The following ASAH2 variants were observed in gnomAD, a reference collection of about 807,000 sequenced individuals.
The protein encoded by ASAH2 is neutral ceramidase.
ASAH2 carries 58 observed loss-of-function variants against 82.9 expected under a neutral mutation model. The observed-to-expected ratio is 0.70, with a 90% confidence interval of 0.57 to 0.87. The LOEUF (loss-of-function observed/expected upper bound fraction) is 0.87. Ranked by LOEUF, ASAH2 falls within the 40% of genes least tolerant of loss-of-function variation. The pLI is 0.00. For synonymous variants in ASAH2, 276 were observed against 289.7 expected (o/e 0.95, Z 0.48); for missense variants, 779 against 834.0 (o/e 0.93, Z 0.81).
chr10:50,238,105 T>TA (rs1184687903), intron 4 of ASAH2, among the ~76,000 whole-genome samples: 1 of 152,166 alleles, frequency 6.6e-6, no homozygotes, highest in Non-Finnish European at 1.5e-5. Flanking sequence ...TTCTGTGATG[T>TA]AAAAACTCCT....
intron 3 of ASAH2, among the ~76,000 whole-genome samples, 185 bp from the exon 4 acceptor site, chr10:50,243,536 A>T (rs1477891445): frequency 6.6e-6 from 1 of 152,244 alleles, no homozygotes; most frequent in Admixed American, 6.5e-5. Flanking sequence ...AAAGCCAAAA[A>T]ATATCATAAA....
At chr10:50,206,225 G>T in intron 12 of ASAH2, 128 bp from the exon 13 acceptor site, 2 of 767,970 alleles carry the variant, frequency 2.6e-6, no homozygotes, top group Non-Finnish European at 4.6e-6. Context: ...GTTGTTCAAT[G>T]ATTCCAAACA....
intron 7 of ASAH2, among the ~76,000 whole-genome samples, chr10:50,223,073 G>A (rs1477016242): frequency 3.3e-5 from 5 of 152,066 alleles, no homozygotes; most frequent in African/African-American, 1.2e-4. Context: ...CAAGAGATTG[G>A]GGACCTTATC....
At chr10:50,206,698 T>G (rs576328209) in intron 12 of ASAH2, among the ~76,000 whole-genome samples, 1 of 151,952 alleles carries the variant, frequency 6.6e-6, no homozygotes, top group African/African-American at 2.4e-5. Flanking sequence ...ATTATAAATG[T>G]CTGTGTAACA....
At chr10:50,200,867 C>T (rs1389943674) in intron 16 of ASAH2, among the ~76,000 whole-genome samples, 1 of 152,104 alleles carries the variant, frequency 6.6e-6, no homozygotes, top group African/African-American at 2.4e-5. Flanking sequence ...AGGCCCCACC[C>T]TTAAGCCTGG....
In ASAH2 at chr10:50,202,674, C is replaced by T. The variant is rs1017420589; in HGVS notation, c.1761+155G>A. Among the ~76,000 whole-genome samples, 13 of 152,058 alleles carry T rather than the reference C, an allele frequency of 8.5e-5. No homozygotes were observed. In the South Asian group the frequency reaches 1.5e-3, roughly 17 times the overall value. ...ATGATGTATTTGAAACTCTTAAATA[C>T]GGCCTCTGGCTTATCATCCTCTTAC... On this transcript the variant is annotated intron_variant, in intron 16 of 20. Coordinates refer to ENST00000682911, the MANE Select transcript of ASAH2 (RefSeq NM_019893.4).
chr10:50,245,068 A>G (rs1846410907), intron 3 of ASAH2, among the ~76,000 whole-genome samples, 154 bp downstream of exon 3: 1 of 152,222 alleles, frequency 6.6e-6, no homozygotes, highest in African/African-American at 2.4e-5. Context: ...TCTTCCTTCT[A>G]GTATGAAATT....
intron 7 of ASAH2, among the ~76,000 whole-genome samples, chr10:50,219,159 C>T (rs1035201747): frequency 6.6e-6 from 1 of 152,154 alleles, no homozygotes; most frequent in African/African-American, 2.4e-5. Context: ...ACAATTAATT[C>T]TTGTGGGCAT....
chr10:50,190,806 C>A, intron 19 of ASAH2, among the ~76,000 whole-genome samples: 1 of 104,482 alleles, frequency 9.6e-6, no homozygotes. Context: ...ATTGGGTAGT[C>A]GTAAGGATGG....
At chr10:50,228,656 T>C (rs1176239989) in intron 7 of ASAH2, among the ~76,000 whole-genome samples, 2 of 152,098 alleles carry the variant, frequency 1.3e-5, no homozygotes, top group Non-Finnish European at 2.9e-5. Context: ...GCCCCTGTCA[T>C]CTTAAAAATA....
At chr10:50,223,818 C>G (rs1299208505) in intron 7 of ASAH2, among the ~76,000 whole-genome samples, 2 of 152,134 alleles carry the variant, frequency 1.3e-5, no homozygotes, top group Non-Finnish European at 2.9e-5. Context: ...ACATAGAGAA[C>G]AAGGTGATAT....
chr10:50,247,704 CT>C (rs1310309747), intron 2 of ASAH2, among the ~76,000 whole-genome samples: 2 of 152,162 alleles, frequency 1.3e-5, no homozygotes, highest in African/African-American at 4.8e-5. Flanking sequence ...GAGCTTCAAT[CT>C]TTACCAGTCT....
intron 16 of ASAH2, among the ~76,000 whole-genome samples, chr10:50,201,389 A>G (rs889102241): frequency 3.3e-5 from 5 of 152,134 alleles, no homozygotes; most frequent in African/African-American, 7.2e-5. Flanking sequence ...CTTCTGGAGT[A>G]GCAGGCACCC....
At chr10:50,216,732 C>G (rs1343789585) in intron 8 of ASAH2, among the ~76,000 whole-genome samples, 2 of 152,192 alleles carry the variant, frequency 1.3e-5, no homozygotes, top group African/African-American at 2.4e-5. Flanking sequence ...CCCAACCACT[C>G]TACCATTCTA....
At chr10:50,202,160 C>T (rs1481475655) in intron 16 of ASAH2, among the ~76,000 whole-genome samples, 2 of 152,080 alleles carry the variant, frequency 1.3e-5, no homozygotes, top group African/African-American at 4.8e-5. Flanking sequence ...CTCTTAGTAT[C>T]ACTGAATATT....
At chr10:50,233,592 T>C (rs1846069833) in intron 6 of ASAH2, among the ~76,000 whole-genome samples, 1 of 152,164 alleles carries the variant, frequency 6.6e-6, no homozygotes, top group Non-Finnish European at 1.5e-5. Flanking sequence ...CAATTTTTAA[T>C]GAAATCTCTT....
Position 50,233,141 on chromosome 10 carries a change from A to C in ASAH2, c.893+43T>G, listed in dbSNP as rs1223033984. 11 of 1,383,810 alleles carry C rather than the reference A, an allele frequency of 7.9e-6. No homozygotes were observed. The East Asian group carries it at 1.8e-4, about 23-fold the overall frequency. 85.7% of individuals were successfully genotyped at this position (1,383,810 alleles called of 1,614,324 possible). A position where few individuals can be genotyped will look rare whatever the true frequency, so the allele number is the denominator to read the frequency against. ...TCTTTTCCCTTCTCTTTAATTAAGA[A>C]AAGCTACCCGACAGAATTATTTTTA... On this transcript the variant is annotated intron_variant, in intron 7 of 20. Coordinates refer to ENST00000682911, the MANE Select transcript of ASAH2 (RefSeq NM_019893.4).
At chr10:50,234,375 C>T (rs1402784235) in intron 6 of ASAH2, 50 bp downstream of exon 6, 3 of 1,611,632 alleles carry the variant, frequency 1.9e-6, no homozygotes, top group Admixed American at 3.3e-5. Flanking sequence ...GATTTTGTTG[C>T]TGTTCCCTAA....
chr10:50,218,775 A>T, intron 7 of ASAH2, 145 bp from the exon 8 acceptor site: 2 of 920,244 alleles, frequency 2.2e-6, no homozygotes, highest in South Asian at 3.0e-5. Flanking sequence ...TTCATTGTTC[A>T]TGGGCTTAAA....
Sources: allele counts gnomAD v4.1 joint callset (sites outside exome capture counted in the v4.1 genomes callset), GRCh38; gene constraint gnomAD v4.1.1; transcripts MANE v1.5; gene names NCBI Gene and HGNC (gene_info 2026-07-23, HGNC 2026-07-21).